Variants in ST3GAL2 observed in about 807,000 individuals in gnomAD.
ST3GAL2 encodes the protein CMP-N-acetylneuraminate-beta-galactosamide-alpha-2,3-sialyltransferase 2.
In ST3GAL2, 16 loss-of-function variants were observed where a neutral mutation model predicts 37.5. That is an observed-to-expected ratio of 0.43 (90% CI 0.29 to 0.65). The LOEUF (loss-of-function observed/expected upper bound fraction) is 0.65, where lower values mean the gene tolerates loss of function less well. Among genes scored for constraint, ST3GAL2 ranks in the 30% least tolerant of loss-of-function variants. The probability of loss-of-function intolerance (pLI) is 0.17; values close to 1 mark genes in which losing one functional copy is unlikely to be tolerated. For missense variants in ST3GAL2, 383 were observed against 487.8 expected, an observed-to-expected ratio of 0.79 and a Z score of 2.02; for synonymous variants, 238 against 202.9, an observed-to-expected ratio of 1.17 and a Z score of -1.47.
chr16:70,384,291 A>C (rs1009570378), intron 4 of ST3GAL2, among the ~76,000 whole-genome samples: 2 of 152,260 alleles, frequency 1.3e-5, no homozygotes, highest in African/African-American at 4.8e-5. Flanking sequence ...CTTTAAAAAA[A>C]ACACAGGAAA....
chr16:70,391,544 C>T (rs2047482033), intron 3 of ST3GAL2, among the ~76,000 whole-genome samples: 1 of 152,150 alleles, frequency 6.6e-6, no homozygotes, highest in South Asian at 2.1e-4. Flanking sequence ...GTATTGGTGT[C>T]CTATGGTCAC....
rs190779046 is a variant in ST3GAL2 at position 70,399,115 on chromosome 16, C to T, written c.-585G>A. The T allele has an allele frequency of 6.2e-5, 25 of 400,246 alleles. No individual in the cohort carries two copies. Among genetic ancestry groups the T allele is most frequent in the Middle Eastern group, 6.3e-4 (1 of 1,584 alleles). 24.8% of individuals were successfully genotyped at this position (400,246 alleles called of 1,614,324 possible). On this transcript the variant is annotated 5_prime_UTR_variant, in exon 2 of 7. Transcript: ENST00000342907. ...CAGAGGAGGGGAGCCAGACCCCAAC[C>T]CTGAGAGGACAAAAACAGGAAGCTC...
chr16:70,382,735 C>G, intron 6 of ST3GAL2, 70 bp downstream of exon 6: 1 of 1,601,298 alleles, frequency 6.2e-7, no homozygotes, highest in African/African-American at 1.3e-5. Flanking sequence ...TGTTAGCCTG[C>G]TAAGACCCGA....
intron 2 of ST3GAL2, among the ~76,000 whole-genome samples, chr16:70,395,653 G>A (rs2047510638): frequency 6.6e-6 from 1 of 152,212 alleles, no homozygotes; most frequent in Non-Finnish European, 1.5e-5. Context: ...CAGAGAGGCT[G>A]ATAAATTCTT....
At chr16:70,385,165 C>T (rs998808688) in intron 4 of ST3GAL2, among the ~76,000 whole-genome samples, 2 of 147,006 alleles carry the variant, frequency 1.4e-5, no homozygotes, top group East Asian at 2.0e-4. Context: ...ATCAGCTGGG[C>T]GTGGTGGTGC....
At position 70,438,983 on chromosome 16, in the gene ST3GAL2, C is replaced by G. The variant is rs1230155948; in HGVS notation, c.-1038G>C. The stretch of plus-strand genomic sequence containing the variant: ...CGCCCGGCGCCGCGCGGGCCATGCT[C>G]GCCGCTCCGGCCGCCGCCGCCGCCC... On this transcript the variant is annotated 5_prime_UTR_variant, in exon 1 of 7. Transcript: ENST00000342907. 1.3e-5 allele frequency: 2 copies of G among 156,788 alleles called. No individual in the cohort carries two copies. The highest frequency in any genetic ancestry group is 2.7e-5 in the Non-Finnish European group (2 of 73,502). The allele number at this position is 156,788 out of a possible 1,614,324, so 9.7% of individuals were successfully genotyped here.
intron 4 of ST3GAL2, among the ~76,000 whole-genome samples, chr16:70,385,278 A>G (rs1480499337): frequency 6.6e-6 from 1 of 152,134 alleles, no homozygotes; most frequent in Non-Finnish European, 1.5e-5. Flanking sequence ...CCTGGGTGAC[A>G]GAGTGAGACT....
chr16:70,438,333 G>C (rs1027119638), intron 1 of ST3GAL2, among the ~76,000 whole-genome samples: 2 of 152,174 alleles, frequency 1.3e-5, no homozygotes, highest in Admixed American at 1.3e-4. Flanking sequence ...ACAGGAGAGA[G>C]GAGAGACGAG....
At chr16:70,428,777 G>A (rs933399863) in intron 1 of ST3GAL2, among the ~76,000 whole-genome samples, 21 of 152,252 alleles carry the variant, frequency 1.4e-4, no homozygotes, top group African/African-American at 3.4e-4. Flanking sequence ...CCTTCCAAGC[G>A]GGTTCTCAAC....
chr16:70,409,695 C>T (rs2047622481), intron 1 of ST3GAL2, among the ~76,000 whole-genome samples: 2 of 152,060 alleles, frequency 1.3e-5, no homozygotes, highest in Admixed American at 6.6e-5. Context: ...ACTGGAATGC[C>T]GGTGGCGCAA....
At chr16:70,408,970 G>C (rs1489262557) in intron 1 of ST3GAL2, among the ~76,000 whole-genome samples, 10 of 144,178 alleles carry the variant, frequency 6.9e-5, no homozygotes, top group Non-Finnish European at 1.5e-4. Flanking sequence ...GAGGAAGCTG[G>C]GCCCTGAGGC....
Position 70,398,109 on chromosome 16 carries a change from C to T in ST3GAL2, c.339+83G>A, listed in dbSNP as rs1597562199. ...GTCAAACAGGCATTTTGTCAAGGCT[C>T]TGGGGGCCAGAAATCCAAGAGGGGG... On this transcript the variant is annotated intron_variant, in intron 2 of 6. Coordinates refer to ENST00000342907, the MANE Select transcript of ST3GAL2 (RefSeq NM_006927.4). The T allele has an allele frequency of 1.5e-5, 22 of 1,459,780 alleles. No homozygotes were observed. The East Asian group carries it at 5.1e-4, about 34-fold the overall frequency. The allele number at this position is 1,459,780 out of a possible 1,614,324, so 90.4% of individuals were successfully genotyped here.
In ST3GAL2 at chr16:70,381,845, G is replaced by A. The variant is rs750947767; in HGVS notation, c.897C>T (p.Phe299=). 9 of 1,613,864 alleles carry A rather than the reference G, an allele frequency of 5.6e-6. No homozygotes were observed. The highest frequency in any genetic ancestry group is 1.7e-4 in the Middle Eastern group (1 of 6,044). ...GCCAGTTGCCCCGGCTGTCGGCCCC[G>A]AACCCGTACACGTTCACCTGCGGGG... ...HVCDEVNVYG[F]GADSRGNWHH... is the part of the protein sequence containing the mutation. Residue 299 remains phenylalanine, a synonymous_variant, in exon 7 of 7, where the codon TTC becomes TTT. Transcript: ENST00000342907.
At chr16:70,412,389 A>G (rs1567673527) in intron 1 of ST3GAL2, among the ~76,000 whole-genome samples, 1 of 152,196 alleles carries the variant, frequency 6.6e-6, no homozygotes, top group African/African-American at 2.4e-5. Flanking sequence ...CATGCCTGTA[A>G]TCCCAGCACT....
Position 70,381,368 on chromosome 16 carries a change from A to G in ST3GAL2, c.*321T>C, listed in dbSNP as rs886532171. On this transcript the variant is annotated 3_prime_UTR_variant, in exon 7 of 7. Transcript: ENST00000342907. Reference sequence around the variant, plus strand: ...TGCTCTCCTCCTCAGAAAGCGTGAAAGAAAACCCTAACCCAAAGCATGAGG... The same window carrying G: ...TGCTCTCCTCCTCAGAAAGCGTGAAGGAAAACCCTAACCCAAAGCATGAGG... The G allele has an allele frequency of 7.5e-6, 2 of 267,708 alleles. No homozygotes were observed. The highest frequency in any genetic ancestry group is 5.1e-5 in the Admixed American group (1 of 19,750). 16.6% of individuals were successfully genotyped at this position (267,708 alleles called of 1,614,324 possible). A position where few individuals can be genotyped will look rare whatever the true frequency, so the allele number is the denominator to read the frequency against.
At position 70,398,980 on chromosome 16, in the gene ST3GAL2, C is replaced by A. The variant is rs993503432; in HGVS notation, c.-450G>T. 2 of 413,040 alleles carry A rather than the reference C, an allele frequency of 4.8e-6. No homozygotes were observed. The highest frequency in any genetic ancestry group is 8.6e-6 in the Non-Finnish European group (2 of 233,914). 25.6% of individuals were successfully genotyped at this position (413,040 alleles called of 1,614,324 possible). A position where few individuals can be genotyped will look rare whatever the true frequency, so the allele number is the denominator to read the frequency against. ...GCAGACAATGAGGCGGCCCCTCGTT[C>A]CCGGCAGCGGGGAAGCCCTAGAACT... On this transcript the variant is annotated 5_prime_UTR_variant, in exon 2 of 7. An upstream open reading frame in the 5' UTR gains an earlier in-frame stop. Coordinates refer to ENST00000342907, the MANE Select transcript of ST3GAL2 (RefSeq NM_006927.4).
intron 1 of ST3GAL2, among the ~76,000 whole-genome samples, chr16:70,414,427 G>A (rs1357180184): frequency 6.6e-6 from 1 of 152,168 alleles, no homozygotes; most frequent in East Asian, 1.9e-4. Flanking sequence ...CAGGTAACAC[G>A]GGCCTTCAGT....
intron 1 of ST3GAL2, among the ~76,000 whole-genome samples, chr16:70,423,566 A>G (rs2047730261): frequency 6.6e-6 from 1 of 152,132 alleles, no homozygotes; most frequent in African/African-American, 2.4e-5. Flanking sequence ...CCTGCCTGCA[A>G]TTCAGACAAC....
rs1386539684 is a variant in ST3GAL2 at position 70,381,860 on chromosome 16, C to G, written c.882G>C (p.Val294=). The G allele has an allele frequency of 1.9e-6, 3 of 1,613,264 alleles. No homozygotes were observed. The highest frequency in any genetic ancestry group is 2.5e-6 in the Non-Finnish European group (3 of 1,179,588). The change falls in exon 7 of 7, where the codon GTG becomes GTC. Residue 294 remains valine (V), a splice_region_variant and synonymous_variant. Transcript: ENST00000342907. The part of the protein sequence containing the change: ...LFFALHVCDE[V]NVYGFGADSR... ...TGTCGGCCCCGAACCCGTACACGTT[C>G]ACCTGCGGGGAAGCGCAGCGGAGCG...
Sources: gnomAD v4.1 joint callset for allele counts (sites outside exome capture counted in the v4.1 genomes callset) on GRCh38, gnomAD v4.1.1 for gene constraint, MANE v1.5 for transcripts, NCBI Gene and HGNC (gene_info 2026-07-23, HGNC 2026-07-21) for gene names.